The following AATK variants were observed in gnomAD, a reference collection of about 807,000 sequenced individuals.
AATK encodes the protein serine/threonine-protein kinase LMTK1.
Under a neutral mutation model 114.3 loss-of-function variants are expected in AATK, and 91 were observed. That is an observed-to-expected ratio of 0.80 (90% CI 0.67 to 0.95). The LOEUF is 0.95. AATK is among the 40% of genes least tolerant of loss of function. The pLI is 0.00. For missense variants in AATK, 2,176 were observed against 1,965.2 expected (o/e 1.11, Z -2.03); for synonymous variants, 1,075 against 916.5 (o/e 1.17, Z -3.12).
At chr17:81,125,288 G>A (rs1372374726) in intron 7 of AATK, 1 of 751,818 alleles carries the variant, frequency 1.3e-6, no homozygotes, top group South Asian at 1.4e-5. Flanking sequence ...GAGGAGAATG[G>A]GGCCTAGAGA....
rs112730952 is a variant in AATK at position 81,129,363 on chromosome 17, C to T, written c.335-814G>A. On this transcript the variant is annotated intron_variant, in intron 3 of 13. Coordinates refer to ENST00000326724, the MANE Select transcript of AATK (RefSeq NM_001080395.3). ...TGGGCGGCCCTCTCTCACCCTGGGG[C>T]GCCCAGGCCCACACTGTCCCTGAGC... Among the ~76,000 whole-genome samples the T allele has an allele frequency of 6.2e-3, 949 of 152,254 alleles. 8 individuals are homozygous for T. Among genetic ancestry groups the T allele is most frequent in the South Asian group, 0.043 (208 of 4,828 alleles).
intron 1 of AATK, among the ~76,000 whole-genome samples, chr17:81,163,636 T>G (rs2061450770): frequency 6.6e-6 from 1 of 152,212 alleles, no homozygotes; most frequent in Non-Finnish European, 1.5e-5. Context: ...TTCCTGGCAC[T>G]CAAGCAGGCT....
chr17:81,127,245 G>A (rs987700681), intron 6 of AATK, among the ~76,000 whole-genome samples: 3 of 151,646 alleles, frequency 2.0e-5, no homozygotes, highest in African/African-American at 7.3e-5. Flanking sequence ...GAGTGAGGCC[G>A]TGGAGCCCAA....
chr17:81,138,740 CAG>C (rs771465791), intron 1 of AATK, among the ~76,000 whole-genome samples: 16 of 150,778 alleles, frequency 1.1e-4, no homozygotes, highest in African/African-American at 2.4e-4. Context: ...TGCGCGCACA[CAG>C]ATACCAACAC....
rs558671948 is a variant in AATK, at chr17:81,121,922, C to T, written c.2014G>A (p.Ala672Thr). ...GAGCGCCAGTGCCCGCGCTGGGCGG[C>T]CCTCCGCGCTCCCACCTCCTCTAGC... ...DELEEVGARR[A>T]AQRGHWRSNV... Residue 672 changes from alanine (A) to threonine (T), a missense_variant, in exon 11 of 14, where the codon GCC becomes ACC. By Grantham distance (58) the Ala-to-Thr change is moderately conservative (BLOSUM62 0). Transcript: ENST00000326724. The T allele has an allele frequency of 1.0e-5, 16 of 1,600,454 alleles. No individual in the cohort carries two copies. The African/African-American group carries it at 2.0e-4, about 20-fold the overall frequency.
chr17:81,121,768 T>A lies in AATK; in HGVS notation c.2168A>T (p.Tyr723Phe). The change falls in exon 11 of 14, where the codon TAC (tyrosine) becomes TTC (phenylalanine). Residue 723 changes from tyrosine to phenylalanine, a missense_variant. Coordinates refer to ENST00000326724, the MANE Select transcript of AATK (RefSeq NM_001080395.3). Reference sequence around the variant, plus strand: ...GAGCCCAAGCAGAGGCTCTCCAGGGTACCCCGGCTCGGGGGAGGCCCGTGG... The same window carrying A: ...GAGCCCAAGCAGAGGCTCTCCAGGGAACCCCGGCTCGGGGGAGGCCCGTGG... The part of the protein sequence containing the change: ...QTPRASPEPG[Y>F]PGEPLLGLQA... 6.5e-7 allele frequency: 1 copy of A among 1,532,826 alleles called. No individual in the cohort carries two copies. Among genetic ancestry groups the A allele is most frequent in the Non-Finnish European group, 8.7e-7 (1 of 1,143,800 alleles). The allele number at this position is 1,532,826 out of a possible 1,614,324, so 95.0% of individuals were successfully genotyped here.
At chr17:81,161,218 G>C (rs928625567) in intron 1 of AATK, among the ~76,000 whole-genome samples, 1 of 152,140 alleles carries the variant, frequency 6.6e-6, no homozygotes, top group African/African-American at 2.4e-5. Context: ...AGGAAAGCAC[G>C]GCATGGGCAG....
intron 3 of AATK, chr17:81,128,997 G>A (rs1038528797): frequency 3.3e-6 from 3 of 902,448 alleles, no homozygotes; most frequent in Non-Finnish European, 4.2e-6. Context: ...CTTTGTTGGG[G>A]GCTGCTTGGC....
Position 81,118,380 on chromosome 17 carries a change from A to G in AATK, c.*22T>C. 1 of 1,599,972 alleles carries G rather than the reference A, an allele frequency of 6.3e-7. No individual in the cohort carries two copies. Among genetic ancestry groups the G allele is most frequent in the Middle Eastern group, 1.7e-4 (1 of 6,046 alleles). ...AGGGGCTCCGGTGACGCCAGCCTTGAGGGGCAGGAGCTGCCCAGGTCTCAA... is the reference window on the plus strand; with the variant it reads ...AGGGGCTCCGGTGACGCCAGCCTTGGGGGGCAGGAGCTGCCCAGGTCTCAA... On this transcript the variant is annotated 3_prime_UTR_variant, in exon 14 of 14. Transcript: ENST00000326724.
intron 12 of AATK, 93 bp from the exon 13 acceptor site, chr17:81,119,673 ATCATGTCACGG>A: frequency 1.7e-6 from 1 of 596,320 alleles, no homozygotes. Context: ...CCCGCCTCCC[ATCATGTCACGG>A]GCCCAGGCCC....
Position 81,121,630 on chromosome 17 carries a change from GCTGT to G in AATK, c.2302_2305del (p.Thr768ProfsTer76). The G allele has an allele frequency of 6.7e-7, 1 of 1,493,076 alleles. No individual in the cohort carries two copies. Among genetic ancestry groups the G allele is most frequent in the Non-Finnish European group, 8.9e-7 (1 of 1,123,692 alleles). 92.5% of individuals were successfully genotyped at this position (1,493,076 alleles called of 1,614,324 possible). A position where few individuals can be genotyped will look rare whatever the true frequency, so the allele number is the denominator to read the frequency against. On this transcript the variant is annotated frameshift_variant, in exon 11 of 14. Transcript: ENST00000326724. LOFTEE classifies it high-confidence loss of function. Reference sequence around the variant, plus strand: ...CTGCGGGTGGTCACCCCCACTACTGGCTGTCTCTGTCCAGGAGGGTGTAACCAGG... The same window carrying G: ...CTGCGGGTGGTCACCCCCACTACTGGCTCTGTCCAGGAGGGTGTAACCAGG...
intron 1 of AATK, chr17:81,165,556 C>T: frequency 9.2e-7 from 1 of 1,083,804 alleles, no homozygotes; most frequent in South Asian, 1.3e-5. Flanking sequence ...GCCCCGGACC[C>T]AGGAGAGGCC....
chr17:81,119,464 AGGGAGC>A lies in AATK; in HGVS notation c.3994_3999del (p.Ala1332_Pro1333del), dbSNP rs778454053. The A allele has an allele frequency of 8.0e-6, 12 of 1,499,978 alleles. No individual in the cohort carries two copies. The highest frequency in any genetic ancestry group is 4.0e-5 in the South Asian group (3 of 75,422). 92.9% of individuals were successfully genotyped at this position (1,499,978 alleles called of 1,614,324 possible). A position where few individuals can be genotyped will look rare whatever the true frequency, so the allele number is the denominator to read the frequency against. On this transcript the variant is annotated inframe_deletion, in exon 13 of 14. Transcript: ENST00000326724. ...GCGGGCGACACCGTGAAGCGCGAGA[AGGGAGC>A]GGGCGTGGGCGTGGGCGCAGCCGGG...
chr17:81,138,248 CAT>C (rs1050293627), intron 1 of AATK, among the ~76,000 whole-genome samples: 1 of 150,448 alleles, frequency 6.6e-6, no homozygotes, highest in African/African-American at 2.4e-5. Context: ...TACCCACACA[CAT>C]GCACAGAGAC....
chr17:81,126,920 A>C lies in AATK; in HGVS notation c.622-360T>G. On this transcript the variant is annotated intron_variant, in intron 6 of 13. Coordinates refer to ENST00000326724, the MANE Select transcript of AATK (RefSeq NM_001080395.3). The surrounding 1 kb of genome is among the most constrained non-coding windows in gnomAD (Gnocchi z 5.1). ...GCAGCCCCTGACCTGCCGAAAGCCCAGCCCCGGGACGGTCAACGTCAGGAG... is the reference window on the plus strand; with the variant it reads ...GCAGCCCCTGACCTGCCGAAAGCCCCGCCCCGGGACGGTCAACGTCAGGAG... 9.9e-7 allele frequency: 1 copy of C among 1,007,682 alleles called. No homozygotes were observed. The allele number at this position is 1,007,682 out of a possible 1,614,324, so 62.4% of individuals were successfully genotyped here. A position where few individuals can be genotyped will look rare whatever the true frequency, so the allele number is the denominator to read the frequency against.
At chr17:81,147,886 G>T (rs536388063) in intron 1 of AATK, among the ~76,000 whole-genome samples, 2 of 152,284 alleles carry the variant, frequency 1.3e-5, no homozygotes, top group Non-Finnish European at 2.9e-5. Flanking sequence ...AGGGCCTGGT[G>T]TATAGACAGA....
chr17:81,120,444 G>GTCC lies in AATK; in HGVS notation c.3489_3491dup (p.Glu1163dup), dbSNP rs747276632. Reference sequence around the variant, plus strand: ...CGTCAGACTCGTCGCTGTCCTCACTGTCCTCCTCCTCCTCCTCCGGCCGGC... The same window carrying GTCC: ...CGTCAGACTCGTCGCTGTCCTCACTGTCCTCCTCCTCCTCCTCCTCCGGCCGGC... On this transcript the variant is annotated inframe_insertion, in exon 11 of 14. Coordinates refer to ENST00000326724, the MANE Select transcript of AATK (RefSeq NM_001080395.3). The GTCC allele has an allele frequency of 8.3e-5, 130 of 1,565,222 alleles. 1 individual carries two copies. The highest frequency in any genetic ancestry group is 1.9e-4 in the African/African-American group (14 of 73,628).
intron 1 of AATK, among the ~76,000 whole-genome samples, chr17:81,149,679 C>A (rs772351198): frequency 2.0e-5 from 3 of 152,094 alleles, no homozygotes; most frequent in Non-Finnish European, 1.5e-5. Flanking sequence ...CTCACAACAG[C>A]CCTGGGTGCC....
chr17:81,131,989 G>A, intron 2 of AATK: 5 of 1,315,016 alleles, frequency 3.8e-6, no homozygotes, highest in Non-Finnish European at 5.0e-6. Context: ...TAAGAGCCTG[G>A]CCCCGTGCAG....
Sources: gnomAD v4.1 joint callset for allele counts (sites outside exome capture counted in the v4.1 genomes callset) on GRCh38, gnomAD v4.1.1 for gene constraint, Gnocchi (gnomAD v3.1) non-coding constraint, MANE v1.5 for transcripts, NCBI Gene and HGNC (gene_info 2026-07-23, HGNC 2026-07-21) for gene names.